Variants in GLT1D1 observed in about 807,000 individuals in gnomAD.
GLT1D1 encodes the protein glycosyltransferase 1 domain-containing protein 1.
A neutral mutation model predicts 28.7 loss-of-function variants in GLT1D1; 21 were observed. The observed-to-expected ratio is 0.73, with a 90% CI of 0.52 to 1.05. GLT1D1 has a LOEUF of 1.05. GLT1D1 is among the 50% of genes least tolerant of loss of function. The pLI is 0.00. For synonymous variants in GLT1D1, 147 were observed against 124.8 expected, an observed-to-expected ratio of 1.18 and a Z score of -1.19; for missense variants, 343 against 330.6, an observed-to-expected ratio of 1.04 and a Z score of -0.29.
At chr12:128,904,513 T>C (rs1870629897) in intron 4 of GLT1D1, among the ~76,000 whole-genome samples, 1 of 151,588 alleles carries the variant, frequency 6.6e-6, no homozygotes, top group African/African-American at 2.4e-5. Context: ...CTCGGGTAAA[T>C]ATCCAGAATA....
At chr12:128,945,194 A>G in intron 4 of GLT1D1, 132 bp from the exon 9 acceptor site, 1 of 895,186 alleles carries the variant, frequency 1.1e-6, no homozygotes. Context: ...AGCAGCCGCG[A>G]GGACACCCCC....
chr12:128,957,051 C>T (rs1377396164), intron 6 of GLT1D1, among the ~76,000 whole-genome samples: 3 of 152,196 alleles, frequency 2.0e-5, no homozygotes, highest in South Asian at 2.1e-4. Context: ...TCCAGACCTT[C>T]GGAAATGGAA....
At chr12:128,982,697 CAT>C (rs1258267003) in intron 7 of GLT1D1, among the ~76,000 whole-genome samples, 2 of 151,464 alleles carry the variant, frequency 1.3e-5, no homozygotes, top group African/African-American at 4.9e-5. Flanking sequence ...CATGTGTGTG[CAT>C]ATGTGTGTGT....
At chr12:128,925,120 T>C (rs1226574083) in intron 4 of GLT1D1, among the ~76,000 whole-genome samples, 2 of 152,162 alleles carry the variant, frequency 1.3e-5, no homozygotes, top group Non-Finnish European at 2.9e-5. Flanking sequence ...AATGTGATGG[T>C]TTGGTATCTG....
At chr12:128,894,719 G>A (rs1475530733) in intron 3 of GLT1D1, among the ~76,000 whole-genome samples, 1 of 151,902 alleles carries the variant, frequency 6.6e-6, no homozygotes, top group Non-Finnish European at 1.5e-5. Context: ...GCATGGTGGT[G>A]CGTGCCTGTA....
chr12:128,881,223 CAAAAA>C lies in GLT1D1; in HGVS notation c.217+5178_217+5182del, dbSNP rs35871795. Among the ~76,000 whole-genome samples the C allele has an allele frequency of 9.6e-4, 71 of 73,586 alleles. No homozygotes were observed. In the South Asian group the frequency reaches 0.015, roughly 16 times the overall value. 48.3% of individuals were successfully genotyped at this position (73,586 alleles called of 152,430 possible). On this transcript the variant is annotated intron_variant, in intron 2 of 7. Transcript: ENST00000281703. The stretch of plus-strand genomic sequence containing the variant: ...TGGGCGACAGAGCGAGACTCCGTTT[CAAAAA>C]AAAAAAAAAAAAAAAACTATAGTCC...
intron 1 of GLT1D1, among the ~76,000 whole-genome samples, chr12:128,872,746 A>T (rs889947594): frequency 6.6e-6 from 1 of 152,196 alleles, no homozygotes; most frequent in Non-Finnish European, 1.5e-5. Context: ...CTACATACAC[A>T]CGCACGCTCA....
chr12:128,918,781 G>C (rs1299106856), intron 4 of GLT1D1, among the ~76,000 whole-genome samples: 1 of 152,200 alleles, frequency 6.6e-6, no homozygotes, highest in Non-Finnish European at 1.5e-5. Flanking sequence ...CAATGGCGTT[G>C]TAACTAAGAT....
chr12:128,908,657 TA>T (rs80345516), intron 4 of GLT1D1, among the ~76,000 whole-genome samples: 43,335 of 151,172 alleles, frequency 0.29, 7,768 homozygotes, highest in Admixed American at 0.43. Flanking sequence ...GGAAGGAAAA[TA>T]AACACGACAG....
chr12:128,872,496 C>T (rs879537098), intron 1 of GLT1D1, among the ~76,000 whole-genome samples: 1 of 152,060 alleles, frequency 6.6e-6, no homozygotes, highest in Non-Finnish European at 1.5e-5. Context: ...AAGAAGGAAG[C>T]GTGATGTGCC....
intron 4 of GLT1D1, among the ~76,000 whole-genome samples, chr12:128,899,827 C>T (rs1436891970): frequency 1.3e-5 from 2 of 152,166 alleles, no homozygotes; most frequent in Non-Finnish European, 2.9e-5. Flanking sequence ...GCCGGGATTA[C>T]AGGCATGAGC....
chr12:128,891,031 C>T (rs1462442110), intron 3 of GLT1D1, among the ~76,000 whole-genome samples: 60 of 151,424 alleles, frequency 4.0e-4, no homozygotes, highest in Admixed American at 4.0e-3. Context: ...AACAAAAGAA[C>T]CCGGGAGGTG....
chr12:128,862,726 G>A (rs1295359166), intron 1 of GLT1D1, among the ~76,000 whole-genome samples: 3 of 152,168 alleles, frequency 2.0e-5, no homozygotes, highest in Non-Finnish European at 4.4e-5. Flanking sequence ...CTGTGTAGGC[G>A]CTACACACAG....
chr12:128,978,618 G>T (rs1274484955), intron 7 of GLT1D1, among the ~76,000 whole-genome samples: 2 of 152,106 alleles, frequency 1.3e-5, no homozygotes, highest in African/African-American at 4.8e-5. Flanking sequence ...CGGGAAAGGG[G>T]TCCCGATCCA....
rs553219891 is a variant in GLT1D1, at chr12:128,920,765, C to T, written c.375+21478C>T. ...CATTTTGTTTTGAAGATAAAAATAC[C>T]GTTCTCCAGGAAATGGTTCTATCGG... is the stretch of plus-strand genomic sequence containing the variant. On this transcript the variant is annotated intron_variant, in intron 4 of 7. Transcript: ENST00000281703. Among the ~76,000 whole-genome samples the T allele has an allele frequency of 5.3e-5, 8 of 152,194 alleles. No homozygotes were observed. In the South Asian group the frequency reaches 1.2e-3, roughly 24 times the overall value.
At chr12:128,858,673 A>C (rs1282036735) in intron 1 of GLT1D1, among the ~76,000 whole-genome samples, 2 of 150,184 alleles carry the variant, frequency 1.3e-5, no homozygotes, top group South Asian at 4.2e-4. Context: ...TCAGTCTCAA[A>C]AAAAAAAAAA....
intron 4 of GLT1D1, among the ~76,000 whole-genome samples, chr12:128,911,463 G>A (rs1220279764): frequency 6.6e-6 from 1 of 152,226 alleles, no homozygotes; most frequent in Non-Finnish European, 1.5e-5. Flanking sequence ...CCTACACCGA[G>A]GAAGGACAGG....
chr12:128,864,775 T>A (rs1956475007), intron 1 of GLT1D1, among the ~76,000 whole-genome samples: 1 of 151,842 alleles, frequency 6.6e-6, no homozygotes, highest in Non-Finnish European at 1.5e-5. Context: ...TCCTGAGCTG[T>A]TGGGGAGGGG....
At chr12:128,959,764 A>G (rs1453792948) in intron 7 of GLT1D1, among the ~76,000 whole-genome samples, 1 of 152,170 alleles carries the variant, frequency 6.6e-6, no homozygotes, top group Non-Finnish European at 1.5e-5. Flanking sequence ...ATGTCTCTCA[A>G]AATCAACGCC....
Sources: gnomAD v4.1 joint callset for allele counts (sites outside exome capture counted in the v4.1 genomes callset) on GRCh38, gnomAD v4.1.1 for gene constraint, MANE v1.5 for transcripts, NCBI Gene and HGNC (gene_info 2026-07-23, HGNC 2026-07-21) for gene names.